The following PRKN variants were observed in gnomAD, a reference collection of about 807,000 sequenced individuals.
PRKN encodes parkin RBR E3 ubiquitin protein ligase.
A neutral mutation model predicts 59.5 loss-of-function variants in PRKN; 56 were observed. The ratio of observed to expected loss-of-function variants is 0.94; its 90% CI spans 0.76 to 1.18. PRKN has a LOEUF of 1.18. Among genes scored for constraint, PRKN ranks in the 50% most tolerant of loss-of-function variants. PRKN has a pLI of 0.00. For missense variants in PRKN, 657 were observed against 596.4 expected, an observed-to-expected ratio of 1.10 and a Z score of -1.06; for synonymous variants, 250 against 222.1, an observed-to-expected ratio of 1.13 and a Z score of -1.12.
At chr6:162,036,700 C>T (rs1020548287) in intron 5 of PRKN, among the ~76,000 whole-genome samples, 8 of 151,948 alleles carry the variant, frequency 5.3e-5, no homozygotes, top group Admixed American at 2.6e-4. Flanking sequence ...AATTTTGAAA[C>T]GCCTTAAAAA....
intron 1 of PRKN, among the ~76,000 whole-genome samples, chr6:162,652,904 G>A (rs1778499872): frequency 6.6e-6 from 1 of 152,108 alleles, no homozygotes; most frequent in Non-Finnish European, 1.5e-5. Flanking sequence ...TCAGTATTCT[G>A]AGCATCTTTT....
intron 2 of PRKN, among the ~76,000 whole-genome samples, chr6:162,306,245 G>T (rs1782218216): frequency 6.6e-6 from 1 of 152,090 alleles, no homozygotes; most frequent in African/African-American, 2.4e-5. Context: ...CCTGACTGAG[G>T]GTGTCGGGTA....
rs143429795 is a variant in PRKN, at chr6:162,259,984, C to A, written c.412+2541G>T. Among the ~76,000 whole-genome samples the A allele has an allele frequency of 2.7e-3, 406 of 152,312 alleles. 2 individuals are homozygous for A. Among genetic ancestry groups the A allele is most frequent in the African/African-American group, 9.4e-3 (391 of 41,566 alleles). ...ACTTGTAGTTTAGCTGTTAGTTTAA[C>A]ACAGAGTTAAATCTGAAAGTTGACC... On this transcript the variant is annotated intron_variant, in intron 3 of 11. Transcript: ENST00000366898.
chr6:161,900,276 G>A (rs1018519150), intron 6 of PRKN, among the ~76,000 whole-genome samples: 6 of 151,008 alleles, frequency 4.0e-5, no homozygotes, highest in South Asian at 2.1e-4. Flanking sequence ...AGATGTGAAC[G>A]TGTTGAAATG....
chr6:162,429,181 G>A (rs1440539509), intron 2 of PRKN, among the ~76,000 whole-genome samples: 1 of 152,150 alleles, frequency 6.6e-6, no homozygotes, highest in Non-Finnish European at 1.5e-5. Context: ...CTAAACAAAA[G>A]CCATCTAGAA....
At chr6:162,671,497 C>CAA (rs5881490) in intron 1 of PRKN, among the ~76,000 whole-genome samples, 1,826 of 111,616 alleles carry the variant, frequency 0.016, 45 homozygotes, top group African/African-American at 0.058. Context: ...GACTCTGTCT[C>CAA]AAAAAAAAAA....
At position 161,423,106 on chromosome 6, in the gene PRKN, C is replaced by T. The variant is rs954682220; in HGVS notation, c.1084-36229G>A. 1.3e-5 allele frequency among the ~76,000 whole-genome samples: 2 copies of T among 152,310 alleles called. No individual in the cohort carries two copies. ...GAAGGCCTTGAAACATCAGGAGCTG[C>T]AGCACTCTTAGAGCAGACTTGACAG... On this transcript the variant is annotated intron_variant, in intron 9 of 11. Coordinates refer to ENST00000366898, the MANE Select transcript of PRKN (RefSeq NM_004562.3). The surrounding 1 kb of genome is among the most constrained non-coding windows in gnomAD (Gnocchi z 5.9).
At chr6:161,753,707 G>A (rs9458354) in intron 7 of PRKN, among the ~76,000 whole-genome samples, 62,838 of 151,996 alleles carry the variant, frequency 0.41, 13,167 homozygotes, top group African/African-American at 0.48. Flanking sequence ...CAATGGGGGC[G>A]GGGGGGCTCG....
intron 1 of PRKN, among the ~76,000 whole-genome samples, chr6:162,524,472 T>C (rs1359278245): frequency 2.0e-5 from 3 of 152,212 alleles, no homozygotes; most frequent in African/African-American, 7.2e-5. Flanking sequence ...TGACCTGTCA[T>C]GGTAACAACA....
intron 2 of PRKN, among the ~76,000 whole-genome samples, chr6:162,302,299 G>A (rs993134272): frequency 6.6e-6 from 1 of 151,258 alleles, no homozygotes; most frequent in Non-Finnish European, 1.5e-5. Context: ...TCCATTAATA[G>A]GATGGTATGT....
intron 5 of PRKN, among the ~76,000 whole-genome samples, chr6:161,987,774 G>C (rs747682747): frequency 9.9e-5 from 15 of 152,114 alleles, no homozygotes; most frequent in Non-Finnish European, 1.9e-4. Flanking sequence ...TCTAAAATAA[G>C]TTAAATAACA....
At chr6:162,291,266 C>G (rs1020409335) in intron 2 of PRKN, among the ~76,000 whole-genome samples, 2 of 152,094 alleles carry the variant, frequency 1.3e-5, no homozygotes, top group Non-Finnish European at 2.9e-5. Flanking sequence ...CTTCCTGGGC[C>G]AGTTCATTGG....
At chr6:162,119,579 T>C (rs914778268) in intron 4 of PRKN, among the ~76,000 whole-genome samples, 4 of 152,264 alleles carry the variant, frequency 2.6e-5, no homozygotes, top group African/African-American at 9.6e-5. Flanking sequence ...CAAAATCACA[T>C]GAGCTCAAGT....
At chr6:161,970,737 C>T (rs1455434952) in intron 6 of PRKN, among the ~76,000 whole-genome samples, 3 of 152,066 alleles carry the variant, frequency 2.0e-5, no homozygotes, top group African/African-American at 7.2e-5. Flanking sequence ...AGGGTTTCAC[C>T]ATGTTGGCCA....
At chr6:162,125,796 T>C (rs1373180753) in intron 4 of PRKN, among the ~76,000 whole-genome samples, 3 of 152,200 alleles carry the variant, frequency 2.0e-5, no homozygotes, top group African/African-American at 7.2e-5. Context: ...ACTCAATAAG[T>C]ATTTGTTGAA....
chr6:161,367,956 G>A (rs1264973927), intron 10 of PRKN, among the ~76,000 whole-genome samples: 4 of 152,122 alleles, frequency 2.6e-5, no homozygotes, highest in African/African-American at 9.7e-5. Flanking sequence ...TGGCCTGCGA[G>A]CAGTCGGTTC....
At chr6:161,702,190 A>C (rs1786280503) in intron 7 of PRKN, among the ~76,000 whole-genome samples, 1 of 152,208 alleles carries the variant, frequency 6.6e-6, no homozygotes, top group Admixed American at 6.5e-5. Context: ...TAATAGTAAA[A>C]ATGCCATCGG....
intron 1 of PRKN, among the ~76,000 whole-genome samples, chr6:162,709,208 A>G (rs1182392935): frequency 6.6e-6 from 1 of 152,150 alleles, no homozygotes; most frequent in African/African-American, 2.4e-5. Context: ...ATTATATATT[A>G]CAATGTAATA....
chr6:162,483,064 T>A (rs1296852604), intron 1 of PRKN, among the ~76,000 whole-genome samples: 1 of 152,228 alleles, frequency 6.6e-6, no homozygotes, highest in Non-Finnish European at 1.5e-5. Flanking sequence ...TACCTCATTA[T>A]AATTACTACA....
Sources: gnomAD v4.1 joint callset for allele counts (sites outside exome capture counted in the v4.1 genomes callset) on GRCh38, gnomAD v4.1.1 for gene constraint, Gnocchi (gnomAD v3.1) non-coding constraint, MANE v1.5 for transcripts, NCBI Gene and HGNC (gene_info 2026-07-23, HGNC 2026-07-21) for gene names.